Variants in KCNIP4 observed in about 807,000 individuals in gnomAD.
The protein encoded by KCNIP4 is potassium voltage-gated channel interacting protein 4.
KCNIP4 carries 12 observed loss-of-function variants against 34.0 expected under a neutral mutation model. The observed-to-expected ratio is 0.35, with a 90% CI of 0.23 to 0.57. The LOEUF (loss-of-function observed/expected upper bound fraction) is 0.57, where lower values mean the gene tolerates loss of function less well. Ranked by LOEUF, KCNIP4 falls within the 20% of genes least tolerant of loss-of-function variation. KCNIP4 has a pLI of 0.83. For missense variants in KCNIP4, 238 were observed against 311.7 expected, an observed-to-expected ratio of 0.76 and a Z score of 1.78; for synonymous variants, 124 against 102.2, an observed-to-expected ratio of 1.21 and a Z score of -1.29.
intron 3 of KCNIP4, among the ~76,000 whole-genome samples, chr4:20,836,024 C>T (rs1001102031): frequency 4.6e-5 from 7 of 152,194 alleles, no homozygotes; most frequent in African/African-American, 1.4e-4. Context: ...ATCTTCTTTA[C>T]CCATTCTTTA....
chr4:21,548,577 TAA>T (rs199828998), intron 1 of KCNIP4, among the ~76,000 whole-genome samples: 54,231 of 145,880 alleles, frequency 0.37, 10,006 homozygotes, highest in South Asian at 0.53. Context: ...CTCTGAAGTC[TAA>T]AAAAAAAAAG....
At chr4:20,819,496 AC>A (rs1716839766) in intron 3 of KCNIP4, among the ~76,000 whole-genome samples, 1 of 152,152 alleles carries the variant, frequency 6.6e-6, no homozygotes, top group Non-Finnish European at 1.5e-5. Context: ...GCTATCTGAG[AC>A]TTGGAATAAT....
At chr4:20,956,944 T>G (rs1025117862) in intron 1 of KCNIP4, among the ~76,000 whole-genome samples, 2 of 152,306 alleles carry the variant, frequency 1.3e-5, no homozygotes, top group Non-Finnish European at 2.9e-5. Flanking sequence ...TTATATAAAG[T>G]TCACTTAGCC....
At chr4:21,125,105 G>T (rs1451025178) in intron 1 of KCNIP4, among the ~76,000 whole-genome samples, 1 of 148,786 alleles carries the variant, frequency 6.7e-6, no homozygotes. Context: ...TGAGAAGCCA[G>T]CGTGACTAGA....
chr4:21,801,072 A>C (rs959205479), intron 1 of KCNIP4, among the ~76,000 whole-genome samples: 4 of 152,120 alleles, frequency 2.6e-5, no homozygotes, highest in Non-Finnish European at 4.4e-5. Flanking sequence ...TTTTATGTCC[A>C]TTTTACAGGA....
chr4:20,730,210 C>T (rs1747664228), intron 8 of KCNIP4, 81 bp from the exon 9 acceptor site: 2 of 1,474,404 alleles, frequency 1.4e-6, no homozygotes, highest in Non-Finnish European at 1.8e-6. Context: ...AGTATTGCCT[C>T]CTCCCATCAA....
At chr4:20,932,849 T>C (rs7676475) in intron 1 of KCNIP4, among the ~76,000 whole-genome samples, 20,313 of 152,110 alleles carry the variant, frequency 0.13, 1,915 homozygotes, top group African/African-American at 0.28. Flanking sequence ...ATAGTTCACT[T>C]ATATGACAAA....
intron 1 of KCNIP4, among the ~76,000 whole-genome samples, chr4:21,598,455 AGG>A (rs1742828860): frequency 6.6e-6 from 1 of 152,124 alleles, no homozygotes; most frequent in African/African-American, 2.4e-5. Flanking sequence ...AACTAGCTAT[AGG>A]AGATATGTAA....
intron 1 of KCNIP4, chr4:21,762,882 G>T (rs1031514988): frequency 8.1e-7 from 1 of 1,230,020 alleles, no homozygotes; most frequent in Non-Finnish European, 1.1e-6. Flanking sequence ...AAGATTGGGA[G>T]GGGGGTGTAG....
intron 1 of KCNIP4, among the ~76,000 whole-genome samples, chr4:21,256,245 A>G (rs1577972723): frequency 6.6e-6 from 1 of 152,078 alleles, no homozygotes; most frequent in African/African-American, 2.4e-5. Flanking sequence ...GTTAAAATGA[A>G]CTTAGCATAT....
intron 1 of KCNIP4, among the ~76,000 whole-genome samples, chr4:21,079,094 G>A (rs1468870272): frequency 6.6e-6 from 1 of 152,010 alleles, no homozygotes; most frequent in Admixed American, 6.6e-5. Flanking sequence ...TTATGGCTTG[G>A]TCTCTATCCT....
chr4:21,329,348 T>A (rs1001969052), intron 1 of KCNIP4, among the ~76,000 whole-genome samples: 3 of 152,212 alleles, frequency 2.0e-5, no homozygotes, highest in Admixed American at 2.0e-4. Context: ...AGGCAGGATA[T>A]GAATGCATGA....
rs138204569 is a variant in KCNIP4 at position 21,076,464 on chromosome 4, C to T, written c.62-193755G>A. On this transcript the variant is annotated intron_variant, in intron 1 of 8. Transcript: ENST00000382152. The stretch of plus-strand genomic sequence containing the variant: ...TGTCATGGATATATTCTTTTCCATG[C>T]TAGATTGTGAATTCTTGGCAAGGAA... Among the ~76,000 whole-genome samples, 5 of 152,110 alleles carry T rather than the reference C, an allele frequency of 3.3e-5. No homozygotes were observed. In the East Asian group the frequency reaches 9.6e-4, roughly 29 times the overall value.
At chr4:20,810,325 T>C (rs1560482250) in intron 3 of KCNIP4, among the ~76,000 whole-genome samples, 1 of 152,164 alleles carries the variant, frequency 6.6e-6, no homozygotes, top group Non-Finnish European at 1.5e-5. Flanking sequence ...TCTATTTTCA[T>C]TTTGAGACTT....
Position 21,437,533 on chromosome 4 carries a change from C to T in KCNIP4, c.61+511038G>A, listed in dbSNP as rs142924505. Among the ~76,000 whole-genome samples the T allele has an allele frequency of 3.2e-3, 492 of 152,272 alleles. 1 individual carries two copies. Among genetic ancestry groups the T allele is most frequent in the Middle Eastern group, 0.014 (4 of 294 alleles). On this transcript the variant is annotated intron_variant, in intron 1 of 8. Transcript: ENST00000382152. ...GTTGAACCTTTAGGGTTTCAGTGAACGCTATTTTAAATCCACTGTCTCAGG... is the reference window on the plus strand; with the variant it reads ...GTTGAACCTTTAGGGTTTCAGTGAATGCTATTTTAAATCCACTGTCTCAGG...
At chr4:21,009,676 G>T (rs1317707566) in intron 1 of KCNIP4, among the ~76,000 whole-genome samples, 1 of 152,136 alleles carries the variant, frequency 6.6e-6, no homozygotes, top group Non-Finnish European at 1.5e-5. Flanking sequence ...ATTCTCAAAA[G>T]ACATCATTTA....
chr4:20,878,038 C>T (rs73802384), intron 2 of KCNIP4, among the ~76,000 whole-genome samples: 5,428 of 152,026 alleles, frequency 0.036, 99 homozygotes, highest in African/African-American at 0.053. Context: ...TATAAGAGCT[C>T]CCTCAATCAA....
At chr4:21,619,640 G>T (rs1577704264) in intron 1 of KCNIP4, among the ~76,000 whole-genome samples, 1 of 152,286 alleles carries the variant, frequency 6.6e-6, no homozygotes, top group Non-Finnish European at 1.5e-5. Flanking sequence ...CCAAGGTGAG[G>T]CTCCCTTTGT....
At chr4:21,059,874 G>C (rs1412807789) in intron 1 of KCNIP4, among the ~76,000 whole-genome samples, 2 of 151,998 alleles carry the variant, frequency 1.3e-5, no homozygotes, top group Non-Finnish European at 2.9e-5. Context: ...ACTGTGTGGG[G>C]TGAAGCGTTG....
Sources: allele counts gnomAD v4.1 joint callset (sites outside exome capture counted in the v4.1 genomes callset), GRCh38; gene constraint gnomAD v4.1.1; transcripts MANE v1.5; gene names NCBI Gene and HGNC (gene_info 2026-07-23, HGNC 2026-07-21).